Variants in MACF1 observed in about 807,000 individuals in gnomAD.
MACF1 encodes microtubule actin crosslinking factor 1, also known as microtubule-actin cross-linking factor 1.
In MACF1, 193 loss-of-function variants were observed where a neutral mutation model predicts 854.8. The observed-to-expected ratio is 0.23, with a 90% CI of 0.20 to 0.25. MACF1 has a LOEUF of 0.25. MACF1 is among the 10% of genes least tolerant of loss of function. The pLI is 1.00. For missense variants in MACF1, 7,722 were observed against 8,929.1 expected (o/e 0.86, Z 5.45); for synonymous variants, 3,185 against 3,226.7 (o/e 0.99, Z 0.44).
In MACF1 at chr1:39,333,599, C is replaced by A. The variant is rs1327262241; in HGVS notation, c.7011C>A (p.Asp2337Glu). ...EKLNMFQGFFDSQTCESLTTE... is the reference protein window; with the variant it reads ...EKLNMFQGFFESQTCESLTTE... ...TGAACATGTTTCAGGGGTTCTTTGA[C>A]TCTCAGACTTGTGAGTCTTTGACAA... Residue 2337 changes from aspartate to glutamate, a missense_variant, in exon 37 of 101, where the codon GAC (aspartate) becomes GAA (glutamate). Asp to Glu is a conservative substitution (Grantham distance 45). This residue lies in a region of MACF1 where 1,531 missense variants were observed against 1,601.6 expected (regional missense o/e 0.96). Coordinates refer to ENST00000564288, the MANE Select transcript of MACF1 (RefSeq NM_001394062.1). 1 of 1,614,218 alleles carries A rather than the reference C, an allele frequency of 6.2e-7. No homozygotes were observed. Among genetic ancestry groups the A allele is most frequent in the Non-Finnish European group, 8.5e-7 (1 of 1,180,034 alleles).
intron 6 of MACF1, among the ~76,000 whole-genome samples, chr1:39,275,011 A>G (rs1038016954): frequency 6.6e-6 from 1 of 152,128 alleles, no homozygotes; most frequent in Admixed American, 6.5e-5. Context: ...GGAAATCCAA[A>G]TGCCTCATAT....
chr1:39,117,105 C>A (rs74069438), intron 2 of MACF1, among the ~76,000 whole-genome samples: 9,416 of 152,238 alleles, frequency 0.062, 485 homozygotes, highest in African/African-American at 0.14. Context: ...TGACTCAGAG[C>A]CCTACCTGCT....
intron 2 of MACF1, among the ~76,000 whole-genome samples, chr1:39,093,482 ATTTT>A (rs35211687): frequency 9.6e-6 from 1 of 104,296 alleles, no homozygotes; most frequent in Non-Finnish European, 1.9e-5. Flanking sequence ...CGCCTGGCTA[ATTTT>A]TTTTTTTTTT....
chr1:39,382,269 T>A, intron 56 of MACF1, 117 bp downstream of exon 56: 1 of 941,068 alleles, frequency 1.1e-6, no homozygotes, highest in South Asian at 1.6e-5. Context: ...AGAGTCTCAG[T>A]TTAAATGAGG....
chr1:39,357,533 C>G lies in MACF1; in HGVS notation c.11583C>G (p.Ser3861=). Residue 3861 remains serine, a synonymous_variant, in exon 45 of 101, where the codon TCC becomes TCG. Coordinates refer to ENST00000564288, the MANE Select transcript of MACF1 (RefSeq NM_001394062.1). ...LGELKEQYST[S]LAQSEAELKQ... ...AGCTAAAGGAACAATACTCTACTTC[C>G]CTGGCCCAATCAGAGGCAGAACTGA... The G allele has an allele frequency of 6.2e-7, 1 of 1,614,138 alleles. No homozygotes were observed. Among genetic ancestry groups the G allele is most frequent in the Admixed American group, 1.7e-5 (1 of 60,022 alleles).
chr1:39,267,609 G>C (rs1362059721), intron 6 of MACF1, among the ~76,000 whole-genome samples: 1 of 152,214 alleles, frequency 6.6e-6, no homozygotes, highest in Non-Finnish European at 1.5e-5. Flanking sequence ...AATTAAATGA[G>C]AAAGTCCATG....
intron 6 of MACF1, among the ~76,000 whole-genome samples, chr1:39,281,189 T>C (rs1247159170): frequency 6.6e-6 from 1 of 152,170 alleles, no homozygotes; most frequent in African/African-American, 2.4e-5. Flanking sequence ...TTTTTTCTTA[T>C]TATAAAAATG....
intron 80 of MACF1, 99 bp downstream of exon 80, chr1:39,444,934 A>G (rs947935283): frequency 7.3e-6 from 8 of 1,099,952 alleles, no homozygotes; most frequent in Non-Finnish European, 9.0e-6. Flanking sequence ...AGACCAGGGT[A>G]TTGTAACAGA....
At chr1:39,310,002 T>C (rs1646269009) in intron 24 of MACF1, among the ~76,000 whole-genome samples, 1 of 152,212 alleles carries the variant, frequency 6.6e-6, no homozygotes, top group Non-Finnish European at 1.5e-5. Context: ...AGGTGAATAC[T>C]TGTGAACAAT....
In MACF1 at chr1:39,443,440, CAA is replaced by C. The variant is rs1369205851; in HGVS notation, c.19303-3_19303-2del. The C allele has an allele frequency of 1.3e-6, 2 of 1,599,074 alleles. No individual in the cohort carries two copies. The highest frequency in any genetic ancestry group is 1.7e-6 in the Non-Finnish European group (2 of 1,175,914). On this transcript the variant is annotated splice_region_variant and splice_polypyrimidine_tract_variant and intron_variant, in intron 78 of 100. Coordinates refer to ENST00000564288, the MANE Select transcript of MACF1 (RefSeq NM_001394062.1). Reference sequence around the variant, plus strand: ...TGACATGGTTGATATATCTTTTTCTCAAAAGGCCCAGGGCTTCCACAGTGAAA... The same window carrying C: ...TGACATGGTTGATATATCTTTTTCTCAAGGCCCAGGGCTTCCACAGTGAAA...
At chr1:39,455,304 C>T (rs544073763) in intron 89 of MACF1, among the ~76,000 whole-genome samples, 18 of 152,158 alleles carry the variant, frequency 1.2e-4, no homozygotes, top group Non-Finnish European at 2.5e-4. Flanking sequence ...CCTGGAGTCT[C>T]CCCAGGCAGA....
At chr1:39,188,827 C>G (rs573155462) in intron 2 of MACF1, among the ~76,000 whole-genome samples, 7 of 152,296 alleles carry the variant, frequency 4.6e-5, no homozygotes, top group Middle Eastern at 3.4e-3. Context: ...TGGTCTCGAA[C>G]TCCTGAGCTC....
chr1:39,309,917 T>G (rs558682406), intron 24 of MACF1, among the ~76,000 whole-genome samples: 2 of 152,234 alleles, frequency 1.3e-5, no homozygotes, highest in Admixed American at 1.3e-4. Context: ...TTTGGTCTTC[T>G]TGGCAAGGGT....
At position 39,447,889 on chromosome 1, in the gene MACF1, G is replaced by C; in HGVS notation, c.19959G>C (p.Arg6653=). 1 of 1,613,932 alleles carries C rather than the reference G, an allele frequency of 6.2e-7. No homozygotes were observed. The highest frequency in any genetic ancestry group is 8.5e-7 in the Non-Finnish European group (1 of 1,179,968). The part of the protein sequence containing the change: ...RGRSLDDARK[R]AKQFHEAWKK... ...GATCACTAGATGATGCCAGGAAGCG[G>C]GCAAAACAAGTAAGTTGGGGAAGAA... Residue 6653 remains arginine (R), a synonymous_variant, in exon 82 of 101, where the codon CGG becomes CGC. Transcript: ENST00000564288.
rs768548667 is a variant in MACF1 at position 39,293,555 on chromosome 1, A to G, written c.2090A>G (p.Glu697Gly). ...ELIWLNEKEE[E>G]ELAYDWSDNN... ...ATCTGGTTGAATGAGAAGGAGGAGG[A>G]GGAACTAGCATATGACTGGAGTGAC... is the stretch of plus-strand genomic sequence containing the variant. Residue 697 changes from glutamate (E) to glycine (G), a missense_variant, in exon 18 of 101, where the codon GAG becomes GGG. Physicochemically the swap from Glu to Gly is moderately conservative, Grantham distance 98. Transcript: ENST00000564288. 2 of 1,614,004 alleles carry G rather than the reference A, an allele frequency of 1.2e-6. No homozygotes were observed. Among genetic ancestry groups the G allele is most frequent in the Non-Finnish European group, 1.7e-6 (2 of 1,179,898 alleles).
Position 39,413,844 on chromosome 1 carries a change from G to A in MACF1, c.15817-8530G>A, listed in dbSNP as rs765856625. 75 of 1,611,254 alleles carry A rather than the reference G, an allele frequency of 4.7e-5. No homozygotes were observed. In the Middle Eastern group the frequency reaches 5.0e-4, roughly 11 times the overall value. ...TTGCAGCTGTGGTGGCCACCCTGGA[G>A]GAACCCACTTCCCCGGCAGCTTCAG... On this transcript the variant is annotated intron_variant, in intron 58 of 100. Transcript: ENST00000564288.
intron 2 of MACF1, among the ~76,000 whole-genome samples, chr1:39,163,050 C>A (rs1557491163): frequency 6.6e-6 from 1 of 151,960 alleles, no homozygotes; most frequent in African/African-American, 2.4e-5. Context: ...AGGTTATGAC[C>A]CTCATAAGAA....
At chr1:39,173,096 C>T (rs1643973510) in intron 2 of MACF1, among the ~76,000 whole-genome samples, 1 of 152,148 alleles carries the variant, frequency 6.6e-6, no homozygotes, top group African/African-American at 2.4e-5. Context: ...AATCCCAGCA[C>T]TTTGGGAGGC....
chr1:39,118,701 A>G (rs952143264), intron 2 of MACF1, among the ~76,000 whole-genome samples: 1 of 152,144 alleles, frequency 6.6e-6, no homozygotes, highest in African/African-American at 2.4e-5. Context: ...GCATAAGACA[A>G]AATATCTTGT....
Sources: gnomAD v4.1 joint callset for allele counts (sites outside exome capture counted in the v4.1 genomes callset) on GRCh38, gnomAD v4.1.1 for gene constraint, gnomAD v4.1.1 regional missense constraint, MANE v1.5 for transcripts, NCBI Gene and HGNC (gene_info 2026-07-23, HGNC 2026-07-21) for gene names.